Variants in ADK observed in about 807,000 individuals in gnomAD.
The protein encoded by ADK is N6,N6-dimethyladenosine kinase.
ADK carries 24 observed loss-of-function variants against 44.7 expected under a neutral mutation model. That is an observed-to-expected ratio of 0.54 (90% CI 0.39 to 0.76). ADK has a LOEUF of 0.76. Among genes scored for constraint, ADK ranks in the 30% least tolerant of loss-of-function variants. The pLI, the probability that ADK is intolerant of heterozygous loss-of-function variation, is 0.00. For synonymous variants in ADK, 128 were observed against 142.6 expected (o/e 0.90, Z 0.73); for missense variants, 321 against 425.1 (o/e 0.76, Z 2.15).
At chr10:74,695,708 C>T (rs1049196655) in intron 10 of ADK, among the ~76,000 whole-genome samples, 1 of 151,500 alleles carries the variant, frequency 6.6e-6, no homozygotes, top group Non-Finnish European at 1.5e-5. Context: ...GGCATGTTCA[C>T]AGCTCACTAC....
At chr10:74,371,136 GTGTTA>G (rs1456404958) in intron 4 of ADK, among the ~76,000 whole-genome samples, 1 of 152,158 alleles carries the variant, frequency 6.6e-6, no homozygotes, top group African/African-American at 2.4e-5. Flanking sequence ...AAATTAAAGT[GTGTTA>G]TGTTTACATG....
chr10:74,605,537 G>A (rs1852290574), intron 9 of ADK, among the ~76,000 whole-genome samples: 2 of 152,120 alleles, frequency 1.3e-5, no homozygotes, highest in African/African-American at 4.8e-5. Flanking sequence ...TTTATGTGAT[G>A]GATTACGTTT....
At chr10:74,228,924 T>C (rs1375595019) in intron 3 of ADK, among the ~76,000 whole-genome samples, 1 of 152,012 alleles carries the variant, frequency 6.6e-6, no homozygotes, top group Non-Finnish European at 1.5e-5. Context: ...AAGGGGAAAA[T>C]CTCTTTAAAA....
intron 3 of ADK, among the ~76,000 whole-genome samples, chr10:74,247,077 A>C (rs1845441698): frequency 1.3e-5 from 2 of 151,922 alleles, no homozygotes; most frequent in South Asian, 4.1e-4. Flanking sequence ...CTGAGAACTT[A>C]TGATCCTAAT....
chr10:74,458,024 T>A (rs181228309), intron 6 of ADK, among the ~76,000 whole-genome samples: 1 of 148,464 alleles, frequency 6.7e-6, no homozygotes, highest in African/African-American at 2.5e-5. Flanking sequence ...AATTAAAAAA[T>A]AATAATAAAA....
chr10:74,389,288 G>A (rs1181009123), intron 4 of ADK, among the ~76,000 whole-genome samples: 1 of 152,162 alleles, frequency 6.6e-6, no homozygotes, highest in Non-Finnish European at 1.5e-5. Flanking sequence ...TCAAAATCTA[G>A]TAGTTGTGAC....
chr10:74,324,390 C>G (rs1255675579), intron 4 of ADK, among the ~76,000 whole-genome samples: 2 of 152,202 alleles, frequency 1.3e-5, no homozygotes, highest in Non-Finnish European at 2.9e-5. Context: ...ACCAACATCT[C>G]TCCATCCTTC....
intron 6 of ADK, among the ~76,000 whole-genome samples, chr10:74,398,941 G>A (rs567261034): frequency 6.6e-4 from 101 of 152,060 alleles, no homozygotes; most frequent in African/African-American, 1.3e-3. Context: ...AATATTAGTA[G>A]TATAAATATT....
In ADK at chr10:74,537,734, A is replaced by C. The variant is rs79478187; in HGVS notation, c.726+12308A>C. Among the ~76,000 whole-genome samples, 93 of 152,288 alleles carry C rather than the reference A, an allele frequency of 6.1e-4. 6 individuals carry two copies. In the East Asian group the frequency reaches 0.018, roughly 29 times the overall value. ...GATGCTTAACTCTCAAATACAGTCAATTATCTCATGATAATAACTGCTTTG... is the reference window on the plus strand; with the variant it reads ...GATGCTTAACTCTCAAATACAGTCACTTATCTCATGATAATAACTGCTTTG... On this transcript the variant is annotated intron_variant, in intron 7 of 10. Transcript: ENST00000539909.
intron 3 of ADK, among the ~76,000 whole-genome samples, chr10:74,234,148 T>C (rs979244282): frequency 2.6e-5 from 4 of 152,234 alleles, no homozygotes; most frequent in African/African-American, 4.8e-5. Flanking sequence ...GGGAATGATA[T>C]AGACTTGGGG....
intron 7 of ADK, among the ~76,000 whole-genome samples, chr10:74,580,349 G>T (rs754223659): frequency 3.9e-5 from 6 of 152,102 alleles, no homozygotes; most frequent in African/African-American, 1.4e-4. Flanking sequence ...TCCAAGGCAG[G>T]TGGATCACTT....
intron 4 of ADK, among the ~76,000 whole-genome samples, chr10:74,337,666 A>C (rs1467167588): frequency 6.6e-6 from 1 of 152,022 alleles, no homozygotes; most frequent in African/African-American, 2.4e-5. Context: ...TGGCTTCATT[A>C]GCTTTTTGTA....
intron 9 of ADK, among the ~76,000 whole-genome samples, chr10:74,650,852 A>G (rs1854237439): frequency 6.6e-6 from 1 of 152,236 alleles, no homozygotes; most frequent in Non-Finnish European, 1.5e-5. Flanking sequence ...ACTAGAATAT[A>G]AATAGTATCC....
intron 9 of ADK, among the ~76,000 whole-genome samples, chr10:74,647,399 T>C (rs1012680759): frequency 1.2e-4 from 18 of 152,210 alleles, no homozygotes; most frequent in Non-Finnish European, 1.2e-4. Context: ...CTAGAGGTAA[T>C]AGTTTGATCT....
intron 4 of ADK, among the ~76,000 whole-genome samples, chr10:74,329,478 A>G (rs1231015201): frequency 6.6e-6 from 1 of 152,238 alleles, no homozygotes; most frequent in African/African-American, 2.4e-5. Context: ...CTTGGCTTAT[A>G]GACTTCACTT....
Position 74,417,440 on chromosome 10 carries a change from A to G in ADK, c.555+18861A>G, listed in dbSNP as rs140230407. ...GTAGTGTTTTCACATCCTCAGATGA[A>G]CTGAATTGGGACAATACTTTGTAGG... On this transcript the variant is annotated intron_variant, in intron 6 of 10. Coordinates refer to ENST00000539909, the MANE Select transcript of ADK (RefSeq NM_006721.4). Among the ~76,000 whole-genome samples, 333 of 152,280 alleles carry G rather than the reference A, an allele frequency of 2.2e-3. 2 individuals are homozygous for G. Among genetic ancestry groups the G allele is most frequent in the African/African-American group, 7.6e-3 (315 of 41,558 alleles).
intron 3 of ADK, among the ~76,000 whole-genome samples, chr10:74,241,598 C>G (rs192747797): frequency 9.2e-5 from 14 of 152,310 alleles, no homozygotes; most frequent in African/African-American, 3.4e-4. Context: ...ATTGGTCAGG[C>G]TGGTTTCAAA....
intron 1 of ADK, among the ~76,000 whole-genome samples, chr10:74,151,998 T>C (rs1296676861): frequency 1.3e-5 from 2 of 152,218 alleles, no homozygotes; most frequent in Admixed American, 1.3e-4. Context: ...TGTTGCAACT[T>C]TTACTTATGA....
At chr10:74,596,831 GCCA>G (rs1399890219) in intron 8 of ADK, among the ~76,000 whole-genome samples, 1 of 152,200 alleles carries the variant, frequency 6.6e-6, no homozygotes, top group African/African-American at 2.4e-5. Context: ...ACAGGCATGA[GCCA>G]CCACGCCTTA....
Sources: gnomAD v4.1 joint callset for allele counts (sites outside exome capture counted in the v4.1 genomes callset) on GRCh38, gnomAD v4.1.1 for gene constraint, MANE v1.5 for transcripts, NCBI Gene and HGNC (gene_info 2026-07-23, HGNC 2026-07-21) for gene names.